The following GALNTL6 variants were observed in gnomAD, a reference collection of about 807,000 sequenced individuals.
GALNTL6 encodes the protein polypeptide N-acetylgalactosaminyltransferase-like 6.
GALNTL6 carries 46 observed loss-of-function variants against 73.7 expected under a neutral mutation model. That is an observed-to-expected ratio of 0.62 (90% CI 0.49 to 0.80). The LOEUF (loss-of-function observed/expected upper bound fraction) is 0.80. Among genes scored for constraint, GALNTL6 ranks in the 30% least tolerant of loss-of-function variants. The pLI is 0.00. For synonymous variants in GALNTL6, 259 were observed against 263.7 expected (o/e 0.98, Z 0.17); for missense variants, 604 against 755.0 (o/e 0.80, Z 2.34).
chr4:172,013,828 A>G (rs895964970), intron 2 of GALNTL6, among the ~76,000 whole-genome samples: 6 of 151,822 alleles, frequency 4.0e-5, no homozygotes, highest in Admixed American at 6.6e-5. Flanking sequence ...TTTTGGATCT[A>G]TCAACCATCC....
intron 8 of GALNTL6, among the ~76,000 whole-genome samples, chr4:172,897,962 A>G (rs1195598870): frequency 6.6e-6 from 1 of 152,218 alleles, no homozygotes; most frequent in African/African-American, 2.4e-5. Context: ...GAAACTTGGT[A>G]TTCTAATAGA....
intron 5 of GALNTL6, among the ~76,000 whole-genome samples, chr4:172,790,935 C>T (rs972986420): frequency 4.0e-5 from 6 of 151,394 alleles, no homozygotes; most frequent in Admixed American, 6.6e-5. Context: ...TTCTTCCACC[C>T]GGTCTTAGGA....
chr4:172,792,776 T>C (rs73869660), intron 5 of GALNTL6, among the ~76,000 whole-genome samples: 8,730 of 151,716 alleles, frequency 0.058, 805 homozygotes, highest in African/African-American at 0.2. Flanking sequence ...TGTGTTTTCA[T>C]AATAAAGAAC....
intron 8 of GALNTL6, among the ~76,000 whole-genome samples, chr4:172,885,188 A>G (rs185594137): frequency 2.0e-5 from 3 of 152,144 alleles, no homozygotes; most frequent in Non-Finnish European, 2.9e-5. Flanking sequence ...CATGGATTAC[A>G]TTAATTATTT....
chr4:172,473,705 C>G (rs1027449979), intron 5 of GALNTL6, among the ~76,000 whole-genome samples: 4 of 152,110 alleles, frequency 2.6e-5, no homozygotes, highest in Admixed American at 6.6e-5. Flanking sequence ...TCTTCTTTAC[C>G]TCTTCAGGTT....
intron 2 of GALNTL6, among the ~76,000 whole-genome samples, chr4:171,972,962 A>C (rs943844788): frequency 6.6e-6 from 1 of 152,232 alleles, no homozygotes; most frequent in Admixed American, 6.5e-5. Context: ...AGAATAATAA[A>C]GTATATTATG....
chr4:172,029,474 A>G (rs1232151066), intron 2 of GALNTL6, among the ~76,000 whole-genome samples: 2 of 152,042 alleles, frequency 1.3e-5, no homozygotes, highest in East Asian at 1.9e-4. Flanking sequence ...ACAAGCTACA[A>G]ATTCCCTCAC....
rs370724033 is a variant in GALNTL6, at chr4:171,933,771, T to A, written c.138+119053T>A. Among the ~76,000 whole-genome samples the A allele has an allele frequency of 7.0e-4, 106 of 152,278 alleles. 2 individuals carry two copies. In the East Asian group the frequency reaches 0.018, roughly 25 times the overall value. On this transcript the variant is annotated intron_variant, in intron 2 of 12. Coordinates refer to ENST00000506823, the MANE Select transcript of GALNTL6 (RefSeq NM_001034845.3). The stretch of plus-strand genomic sequence containing the variant: ...GGTTAACTAGTAGCAGTCACACGAA[T>A]TATAAACATCAGATTTACTATGTCA...
At chr4:173,038,526 AAGGAGATCTC>A (rs1753785748) in intron 12 of GALNTL6, among the ~76,000 whole-genome samples, 1 of 152,212 alleles carries the variant, frequency 6.6e-6, no homozygotes, top group Non-Finnish European at 1.5e-5. Context: ...AGAAAATGGC[AAGGAGATCTC>A]AGGAGCCCTC....
At position 172,463,336 on chromosome 4, in the gene GALNTL6, GA is replaced by G. The variant is rs574100286; in HGVS notation, c.553+114660del. Among the ~76,000 whole-genome samples the G allele has an allele frequency of 5.7e-3, 739 of 129,500 alleles. 4 individuals are homozygous for G. The highest frequency in any genetic ancestry group is 0.021 in the East Asian group (93 of 4,508). 85.0% of individuals were successfully genotyped at this position (129,500 alleles called of 152,430 possible). A position where few individuals can be genotyped will look rare whatever the true frequency, so the allele number is the denominator to read the frequency against. ...CAACATTCTCAGAAAATGAGAGACA[GA>G]AAAAAAAAAAAAGAACACTTAAGTA... On this transcript the variant is annotated intron_variant, in intron 5 of 12. Coordinates refer to ENST00000506823, the MANE Select transcript of GALNTL6 (RefSeq NM_001034845.3).
At chr4:172,442,352 G>T (rs180801388) in intron 5 of GALNTL6, among the ~76,000 whole-genome samples, 18 of 152,050 alleles carry the variant, frequency 1.2e-4, no homozygotes, top group Non-Finnish European at 7.4e-5. Flanking sequence ...CACTTCTTCT[G>T]GGGGGAGTGA....
At chr4:172,903,615 A>G (rs962391023) in intron 8 of GALNTL6, among the ~76,000 whole-genome samples, 1 of 152,194 alleles carries the variant, frequency 6.6e-6, no homozygotes, top group Non-Finnish European at 1.5e-5. Flanking sequence ...CAAGAGAGGC[A>G]AAAGTTTTTT....
At chr4:171,935,775 T>G (rs1316185238) in intron 2 of GALNTL6, among the ~76,000 whole-genome samples, 1 of 152,134 alleles carries the variant, frequency 6.6e-6, no homozygotes, top group Non-Finnish European at 1.5e-5. Context: ...CTCTGTAAAT[T>G]TTATGGTTCC....
At chr4:172,704,297 T>A (rs2111301116) in intron 5 of GALNTL6, among the ~76,000 whole-genome samples, 1 of 152,054 alleles carries the variant, frequency 6.6e-6, no homozygotes, top group Middle Eastern at 3.4e-3. Context: ...TTATTTGACC[T>A]CTTTCTACTT....
chr4:172,390,343 G>C (rs988012149), intron 5 of GALNTL6, among the ~76,000 whole-genome samples: 1 of 148,758 alleles, frequency 6.7e-6, no homozygotes, highest in Non-Finnish European at 1.5e-5. Flanking sequence ...CCATGTTACA[G>C]TAATGCTCCC....
chr4:172,610,245 G>T (rs894038772), intron 5 of GALNTL6, among the ~76,000 whole-genome samples: 5 of 152,090 alleles, frequency 3.3e-5, no homozygotes, highest in Admixed American at 3.3e-4. Context: ...GAGTTGGTCT[G>T]CTGTTGTTTA....
chr4:172,316,512 C>A (rs1006850211), intron 4 of GALNTL6, among the ~76,000 whole-genome samples: 1 of 152,240 alleles, frequency 6.6e-6, no homozygotes, highest in Non-Finnish European at 1.5e-5. Flanking sequence ...TGAGGTATCA[C>A]AGAGTGTTCT....
In GALNTL6 at chr4:171,892,478, A is replaced by T. The variant is rs1412176843; in HGVS notation, c.138+77760A>T. Among the ~76,000 whole-genome samples the T allele has an allele frequency of 2.0e-5, 3 of 152,330 alleles. No individual in the cohort carries two copies. In the East Asian group the frequency reaches 5.8e-4, roughly 29 times the overall value. ...TACAAATGCCAAAATTATTCTAATG[A>T]ACAATATGAATCAGGTGTTATGTTT... is the stretch of plus-strand genomic sequence containing the variant. On this transcript the variant is annotated intron_variant, in intron 2 of 12. Coordinates refer to ENST00000506823, the MANE Select transcript of GALNTL6 (RefSeq NM_001034845.3).
chr4:171,832,498 G>A (rs1368833455), intron 2 of GALNTL6, among the ~76,000 whole-genome samples: 1 of 151,234 alleles, frequency 6.6e-6, no homozygotes, highest in Admixed American at 6.6e-5. Flanking sequence ...TAGGTAGAGA[G>A]ATAGATAGAT....
Sources: allele counts gnomAD v4.1 joint callset (sites outside exome capture counted in the v4.1 genomes callset), GRCh38; gene constraint gnomAD v4.1.1; transcripts MANE v1.5; gene names NCBI Gene and HGNC (gene_info 2026-07-23, HGNC 2026-07-21).